The following CFAP74 variants were observed in gnomAD, a reference collection of about 807,000 sequenced individuals.
CFAP74 encodes cilia- and flagella-associated protein 74.
A neutral mutation model predicts 188.9 loss-of-function variants in CFAP74; 124 were observed. The ratio of observed to expected loss-of-function variants is 0.66; its 90% confidence interval spans 0.57 to 0.76. The LOEUF (loss-of-function observed/expected upper bound fraction) is 0.76, where lower values mean the gene tolerates loss of function less well. Ranked by LOEUF, CFAP74 falls within the 30% of genes least tolerant of loss-of-function variation. The pLI is 0.00. For synonymous variants in CFAP74, 956 were observed against 916.7 expected, an observed-to-expected ratio of 1.04 and a Z score of -0.77; for missense variants, 2,198 against 2,165.2, an observed-to-expected ratio of 1.02 and a Z score of -0.30.
intron 14 of CFAP74, 96 bp from the exon 15 acceptor site, chr1:1,960,126 C>A: frequency 9.4e-7 from 1 of 1,067,192 alleles, no homozygotes; most frequent in Non-Finnish European, 1.4e-6. Flanking sequence ...GCCTCCTGGC[C>A]TCCTCCCCAT....
At chr1:1,922,432 C>T in intron 38 of CFAP74, 44 bp from the exon 39 acceptor site, 1 of 1,569,440 alleles carries the variant, frequency 6.4e-7, no homozygotes, top group Non-Finnish European at 8.7e-7. Flanking sequence ...AGTCAGTGGG[C>T]ACCCAGAGGA....
At chr1:1,939,079 A>G in intron 24 of CFAP74, 91 bp from the exon 25 acceptor site, 1 of 1,336,994 alleles carries the variant, frequency 7.5e-7, no homozygotes, top group Non-Finnish European at 1.0e-6. Context: ...GTAAGAGATG[A>G]GTGTGATCGT....
intron 25 of CFAP74, among the ~76,000 whole-genome samples, chr1:1,931,116 A>G (rs368628566): frequency 2.6e-4 from 40 of 152,342 alleles, no homozygotes; most frequent in African/African-American, 6.7e-4. Context: ...CTGTGACCAC[A>G]GGCTCTAAAT....
chr1:1,948,996 TC>T (rs1220966678), intron 18 of CFAP74, among the ~76,000 whole-genome samples: 7 of 82,640 alleles, frequency 8.5e-5, no homozygotes, highest in African/African-American at 1.5e-4. Flanking sequence ...TTTCCTTCAT[TC>T]CCTTCCTTCC....
At position 1,928,774 on chromosome 1, in the gene CFAP74, C is replaced by G; in HGVS notation, c.3387+10G>C. 5.2e-6 allele frequency: 8 copies of G among 1,532,698 alleles called. No individual in the cohort carries two copies. Among genetic ancestry groups the G allele is most frequent in the Non-Finnish European group, 7.0e-6 (8 of 1,144,192 alleles). The allele number at this position is 1,532,698 out of a possible 1,614,324, so 94.9% of individuals were successfully genotyped here. A position where few individuals can be genotyped will look rare whatever the true frequency, so the allele number is the denominator to read the frequency against. The stretch of plus-strand genomic sequence containing the variant: ...CCGACCTACGCCCCTCCTTCCCGGG[C>G]CCCACGCACAGATTTGGTCTCCATT... On this transcript the variant is annotated intron_variant, in intron 27 of 38. Coordinates refer to ENST00000682832, the MANE Select transcript of CFAP74 (RefSeq NM_001304360.2).
At chr1:1,999,997 C>T (rs1658119908) in intron 1 of CFAP74, among the ~76,000 whole-genome samples, 1 of 152,060 alleles carries the variant, frequency 6.6e-6, no homozygotes, top group African/African-American at 2.4e-5. Context: ...AACCCCGTCT[C>T]TACTAAAAAT....
At position 1,947,014 on chromosome 1, in the gene CFAP74, C is replaced by T. The variant is rs1558012575; in HGVS notation, c.2217G>A (p.Glu739=). 6.5e-7 allele frequency: 1 copy of T among 1,536,104 alleles called. No individual in the cohort carries two copies. The change falls in exon 19 of 39, where the codon GAG becomes GAA. Residue 739 remains glutamate, a synonymous_variant. Coordinates refer to ENST00000682832, the MANE Select transcript of CFAP74 (RefSeq NM_001304360.2). ...CCTCCCCCAGCGTGATCTCCGTCTGCTCTTCGCTGGGAGGTATCACTGTGG... is the reference window on the plus strand; with the variant it reads ...CCTCCCCCAGCGTGATCTCCGTCTGTTCTTCGCTGGGAGGTATCACTGTGG... The part of the protein sequence containing the change: ...RLTTVIPPSE[E]QTEITLGEVT...
chr1:1,955,581 G>A, intron 18 of CFAP74, 110 bp downstream of exon 18: 1 of 1,611,506 alleles, frequency 6.2e-7, no homozygotes, highest in South Asian at 1.1e-5. Flanking sequence ...CGAAGGCCTA[G>A]GAAAATTCTC....
At chr1:1,950,791 G>C (rs960075663) in intron 18 of CFAP74, among the ~76,000 whole-genome samples, 2 of 152,166 alleles carry the variant, frequency 1.3e-5, no homozygotes, top group Non-Finnish European at 2.9e-5. Flanking sequence ...CTTTCAAAAA[G>C]CAGATGTTCT....
chr1:1,997,141 G>A (rs868252812), intron 1 of CFAP74, among the ~76,000 whole-genome samples: 1 of 152,082 alleles, frequency 6.6e-6, no homozygotes. Flanking sequence ...AATAAAAGGC[G>A]GCCGGGCGCG....
chr1:1,971,049 ACACACATGCT>A (rs1347303169), intron 9 of CFAP74, among the ~76,000 whole-genome samples: 1 of 148,832 alleles, frequency 6.7e-6, no homozygotes, highest in Non-Finnish European at 1.5e-5. Context: ...ACACACGTGC[ACACACATGCT>A]CACACACGCA....
rs1653470712 is a variant in CFAP74 at position 1,942,727 on chromosome 1, C to G, written c.2487-571G>C. On this transcript the variant is annotated intron_variant, in intron 21 of 38. Transcript: ENST00000682832. This position sits in a 1 kb window ranked among gnomAD's most constrained non-coding sequence, Gnocchi z 4.3. ...GGCTCCCTTAAGCCAACGGCCTCCT[C>G]AGGACCACCTGGAGCCTCCCTGTTC... 6.6e-6 allele frequency among the ~76,000 whole-genome samples: 1 copy of G among 152,180 alleles called. No homozygotes were observed. Among genetic ancestry groups the G allele is most frequent in the South Asian group, 2.1e-4 (1 of 4,836 alleles).
At position 1,927,233 on chromosome 1, in the gene CFAP74, G is replaced by A. The variant is rs1651977097; in HGVS notation, c.3528-205C>T. On this transcript the variant is annotated intron_variant, in intron 28 of 38. Coordinates refer to ENST00000682832, the MANE Select transcript of CFAP74 (RefSeq NM_001304360.2). ...ACTCACTTCAGGTCCTCGTCAGCTG[G>A]TGGCTGGAGGCTAGGGGTTGGGGCA... 10 of 633,144 alleles carry A rather than the reference G, an allele frequency of 1.6e-5. No homozygotes were observed. The South Asian group carries it at 1.8e-4, about 11-fold the overall frequency. The allele number at this position is 633,144 out of a possible 1,614,324, so 39.2% of individuals were successfully genotyped here.
intron 22 of CFAP74, among the ~76,000 whole-genome samples, chr1:1,941,814 A>C (rs1653395127): frequency 6.6e-6 from 1 of 152,102 alleles, no homozygotes; most frequent in Non-Finnish European, 1.5e-5. Flanking sequence ...ATGAACTTCA[A>C]CTCGGCTCAC....
In CFAP74 at chr1:1,934,637, G is replaced by A. The variant is rs540143422; in HGVS notation, c.3011+4218C>T. On this transcript the variant is annotated intron_variant, in intron 25 of 38. Coordinates refer to ENST00000682832, the MANE Select transcript of CFAP74 (RefSeq NM_001304360.2). ...TGTTAGGTTGTAGGTACACACGTGTGTACGTGGGTGTTAGGCTGTAGGTAC... is the reference window on the plus strand; with the variant it reads ...TGTTAGGTTGTAGGTACACACGTGTATACGTGGGTGTTAGGCTGTAGGTAC... Among the ~76,000 whole-genome samples, 80 of 126,830 alleles carry A rather than the reference G, an allele frequency of 6.3e-4. 2 individuals are homozygous for A. The highest frequency in any genetic ancestry group is 2.0e-3 in the African/African-American group (68 of 34,124). 83.2% of individuals were successfully genotyped at this position (126,830 alleles called of 152,430 possible). A position where few individuals can be genotyped will look rare whatever the true frequency, so the allele number is the denominator to read the frequency against.
chr1:1,984,947 A>G (rs1166912606), intron 6 of CFAP74: 2 of 168,198 alleles, frequency 1.2e-5, no homozygotes, highest in Admixed American at 5.7e-5. Context: ...ACTTGAGGTC[A>G]GCTCAGGGTC....
At chr1:1,966,176 G>A (rs536001076) in intron 12 of CFAP74, among the ~76,000 whole-genome samples, 195 bp downstream of exon 12, 27 of 152,328 alleles carry the variant, frequency 1.8e-4, no homozygotes, top group Admixed American at 3.3e-4. Flanking sequence ...CAGGCTCCGC[G>A]AAGAGGGAAA....
Position 1,938,958 on chromosome 1 carries a change from C to T in CFAP74, c.2908G>A (p.Gly970Arg). 1 of 1,536,148 alleles carries T rather than the reference C, an allele frequency of 6.5e-7. No individual in the cohort carries two copies. Reference protein sequence around the residue: ...FVDVQPNDGFGTILPLETLQF... With the variant: ...FVDVQPNDGFRTILPLETLQF... ...AGCGTTTCCAGGGGCAGGATCGTCC[C>T]AAACCCATCGTTGGGTTGGACGTCC... Residue 970 changes from glycine (G) to arginine (R), a missense_variant, in exon 25 of 39, where the codon GGG becomes AGG. Gly to Arg is a moderately radical substitution (Grantham distance 125, BLOSUM62 -2). Coordinates refer to ENST00000682832, the MANE Select transcript of CFAP74 (RefSeq NM_001304360.2).
chr1:1,993,758 G>A (rs1221264115), intron 1 of CFAP74, among the ~76,000 whole-genome samples: 22 of 151,696 alleles, frequency 1.5e-4, no homozygotes, highest in Admixed American at 1.4e-3. Flanking sequence ...CGAGGCAGGT[G>A]GATCACGAGG....
Sources: gnomAD v4.1 joint callset for allele counts (sites outside exome capture counted in the v4.1 genomes callset) on GRCh38, gnomAD v4.1.1 for gene constraint, Gnocchi (gnomAD v3.1) non-coding constraint, MANE v1.5 for transcripts, NCBI Gene and HGNC (gene_info 2026-07-23, HGNC 2026-07-21) for gene names.